The following SLC24A2 variants were observed in gnomAD, a reference collection of about 807,000 sequenced individuals.
SLC24A2 encodes sodium/potassium/calcium exchanger 2.
SLC24A2 carries 36 observed loss-of-function variants against 62.0 expected under a neutral mutation model. The observed-to-expected ratio is 0.58, with a 90% CI of 0.44 to 0.77. The LOEUF (loss-of-function observed/expected upper bound fraction) is 0.77. SLC24A2 is among the 30% of genes least tolerant of loss of function. SLC24A2 has a pLI of 0.00. For missense variants in SLC24A2, 846 were observed against 817.9 expected (o/e 1.03, Z -0.42); for synonymous variants, 358 against 294.0 (o/e 1.22, Z -2.23).
chr9:19,677,432 C>T (rs1014713045), intron 2 of SLC24A2, among the ~76,000 whole-genome samples: 3 of 152,010 alleles, frequency 2.0e-5, no homozygotes, highest in African/African-American at 4.8e-5. Context: ...GTCTATCAGA[C>T]GGTGGAGGGC....
chr9:19,996,183 T>A, the SLC24A2 span, among the ~76,000 whole-genome samples: 1 of 152,166 alleles, frequency 6.6e-6, no homozygotes. Flanking sequence ...TGGCTTCAGA[T>A]TTCAGAGAAT....
the SLC24A2 span, among the ~76,000 whole-genome samples, chr9:20,230,209 T>A: frequency 6.6e-6 from 1 of 152,222 alleles, no homozygotes; most frequent in Non-Finnish European, 1.5e-5. Context: ...TGCATGTGTC[T>A]TTATAGCACC....
At chr9:19,637,091 G>A (rs922794283) in intron 2 of SLC24A2, among the ~76,000 whole-genome samples, 2 of 152,140 alleles carry the variant, frequency 1.3e-5, no homozygotes, top group African/African-American at 4.8e-5. Flanking sequence ...AATGCTAACT[G>A]ACGGAAAGGA....
intron 10 of SLC24A2, 136 bp from the exon 11 acceptor site, chr9:19,516,538 A>G (rs1031655873): frequency 9.1e-7 from 1 of 1,102,170 alleles, no homozygotes; most frequent in Non-Finnish European, 1.3e-6. Flanking sequence ...TAGGTTCACT[A>G]TGACTCGGGC....
At chr9:20,045,566 G>A in the SLC24A2 span, among the ~76,000 whole-genome samples, 4 of 152,178 alleles carry the variant, frequency 2.6e-5, no homozygotes, top group East Asian at 7.7e-4. Flanking sequence ...TGAGTAGCTA[G>A]GATTACAGGC....
chr9:19,840,359 A>T, the SLC24A2 span, among the ~76,000 whole-genome samples: 13 of 151,646 alleles, frequency 8.6e-5, no homozygotes, highest in African/African-American at 3.2e-4. Context: ...AAATAACAGG[A>T]TTAGAAAACC....
At chr9:19,695,370 G>T (rs1447214719) in intron 2 of SLC24A2, among the ~76,000 whole-genome samples, 1 of 151,968 alleles carries the variant, frequency 6.6e-6, no homozygotes, top group African/African-American at 2.4e-5. Flanking sequence ...TGATTGGCTT[G>T]CCTTTTACCA....
the SLC24A2 span, among the ~76,000 whole-genome samples, chr9:19,876,209 G>A: frequency 6.6e-6 from 1 of 152,108 alleles, no homozygotes; most frequent in Non-Finnish European, 1.5e-5. Flanking sequence ...TGGTTCAGTG[G>A]CCACAAGGGC....
At chr9:20,175,142 T>G in the SLC24A2 span, among the ~76,000 whole-genome samples, 1 of 151,760 alleles carries the variant, frequency 6.6e-6, no homozygotes, top group Non-Finnish European at 1.5e-5. Flanking sequence ...GAATGGAAAA[T>G]CAAACATTGT....
At chr9:19,560,045 C>G (rs769063805) in intron 7 of SLC24A2, among the ~76,000 whole-genome samples, 2 of 152,106 alleles carry the variant, frequency 1.3e-5, no homozygotes, top group African/African-American at 4.8e-5. Flanking sequence ...TTAGGACTTG[C>G]CAAACAAGGT....
At chr9:19,827,751 C>A in the SLC24A2 span, among the ~76,000 whole-genome samples, 1 of 152,086 alleles carries the variant, frequency 6.6e-6, no homozygotes, top group African/African-American at 2.4e-5. Flanking sequence ...TCACTCCTGT[C>A]CCCCAGAGAC....
Position 19,509,455 on chromosome 9 carries a change from T to C in SLC24A2, c.*6698A>G, listed in dbSNP as rs200684738. 1.3e-5 allele frequency: 2 copies of C among 152,200 alleles called. No homozygotes were observed. The highest frequency in any genetic ancestry group is 1.9e-4 in the East Asian group (1 of 5,200). 9.4% of individuals were successfully genotyped at this position (152,200 alleles called of 1,614,324 possible). On this transcript the variant is annotated 3_prime_UTR_variant, in exon 11 of 11. Coordinates refer to ENST00000341998, the MANE Select transcript of SLC24A2 (RefSeq NM_020344.4). ...GAATGACTCATGGACTGCTTATTGA[T>C]TGACTATATTCAGAAGCCCTGAATA...
At chr9:20,123,268 T>A in the SLC24A2 span, among the ~76,000 whole-genome samples, 1 of 152,144 alleles carries the variant, frequency 6.6e-6, no homozygotes, top group Non-Finnish European at 1.5e-5. Flanking sequence ...TTTACCTTCA[T>A]GATATAATTA....
the SLC24A2 span, among the ~76,000 whole-genome samples, chr9:20,167,619 T>C: frequency 2.6e-5 from 4 of 152,018 alleles, no homozygotes; most frequent in Non-Finnish European, 5.9e-5. Flanking sequence ...GGACAAATGA[T>C]TGATTCCACT....
At chr9:19,963,998 A>G in the SLC24A2 span, among the ~76,000 whole-genome samples, 1 of 152,138 alleles carries the variant, frequency 6.6e-6, no homozygotes, top group South Asian at 2.1e-4. Flanking sequence ...GACTGGATTA[A>G]GAAAATGTGG....
the SLC24A2 span, among the ~76,000 whole-genome samples, chr9:20,149,160 C>G: frequency 5.3e-5 from 8 of 151,958 alleles, no homozygotes; most frequent in Non-Finnish European, 1.0e-4. Flanking sequence ...TGGTGAGAAA[C>G]TCATCTAGTC....
the SLC24A2 span, among the ~76,000 whole-genome samples, chr9:19,806,438 A>C: frequency 6.6e-6 from 1 of 152,200 alleles, no homozygotes; most frequent in Non-Finnish European, 1.5e-5. Flanking sequence ...TCATTTATAT[A>C]GACAGGTTTA....
chr9:19,815,814 A>G, the SLC24A2 span, among the ~76,000 whole-genome samples: 2 of 152,096 alleles, frequency 1.3e-5, no homozygotes, highest in African/African-American at 4.8e-5. Context: ...TCACCATTTC[A>G]AGTTCATAAC....
chr9:19,958,576 G>A, the SLC24A2 span, among the ~76,000 whole-genome samples: 1 of 152,188 alleles, frequency 6.6e-6, no homozygotes, highest in African/African-American at 2.4e-5. Context: ...GGATTCCAGT[G>A]TTAACTTTCC....
Sources: gnomAD v4.1 joint callset for allele counts (sites outside exome capture counted in the v4.1 genomes callset) on GRCh38, gnomAD v4.1.1 for gene constraint, MANE v1.5 for transcripts, NCBI Gene and HGNC (gene_info 2026-07-23, HGNC 2026-07-21) for gene names.